The following ATXN1 variants were observed in gnomAD, a reference collection of about 807,000 sequenced individuals.
ATXN1 encodes the protein ataxin-1.
A neutral mutation model predicts 56.4 loss-of-function variants in ATXN1; 8 were observed. That is an observed-to-expected ratio of 0.14 (90% CI 0.08 to 0.26). The LOEUF (loss-of-function observed/expected upper bound fraction) is 0.26. Among genes scored for constraint, ATXN1 ranks in the 10% least tolerant of loss-of-function variants. The pLI, the probability that ATXN1 is intolerant of heterozygous loss-of-function variation, is 1.00. For synonymous variants in ATXN1, 514 were observed against 494.6 expected (o/e 1.04, Z -0.52); for missense variants, 987 against 1,106.5 (o/e 0.89, Z 1.53).
intron 2 of ATXN1, among the ~76,000 whole-genome samples, chr6:16,673,020 C>CAAAAAAAAAAAAA (rs559212594): frequency 1.0e-4 from 11 of 105,458 alleles, no homozygotes; most frequent in Non-Finnish European, 1.5e-4. Flanking sequence ...TCCCCCCCGC[C>CAAAAAAAAAAAAA]AAAAAAAAAA....
chr6:16,589,954 T>A (rs1374814843), intron 3 of ATXN1, among the ~76,000 whole-genome samples: 1 of 152,188 alleles, frequency 6.6e-6, no homozygotes, highest in African/African-American at 2.4e-5. Context: ...AAGCAAAGCA[T>A]CAACAACAAA....
chr6:16,558,514 G>A (rs528443794), intron 4 of ATXN1, among the ~76,000 whole-genome samples: 13 of 151,892 alleles, frequency 8.6e-5, no homozygotes, highest in African/African-American at 2.7e-4. Context: ...ACAAACAGGC[G>A]TGCGCCACCA....
chr6:16,319,407 G>A (rs949223855), intron 7 of ATXN1, among the ~76,000 whole-genome samples: 3 of 152,190 alleles, frequency 2.0e-5, no homozygotes, highest in Non-Finnish European at 2.9e-5. Flanking sequence ...ACTATGGAGA[G>A]AGTAAAATGA....
At chr6:16,583,372 C>T (rs776998399) in intron 4 of ATXN1, among the ~76,000 whole-genome samples, 2 of 152,160 alleles carry the variant, frequency 1.3e-5, no homozygotes, top group Admixed American at 6.5e-5. Flanking sequence ...CACTTTTCAA[C>T]GTTACGATGG....
intron 2 of ATXN1, among the ~76,000 whole-genome samples, chr6:16,659,406 A>T (rs1410939744): frequency 1.3e-5 from 2 of 152,208 alleles, no homozygotes; most frequent in East Asian, 3.8e-4. Context: ...GAGGAGGAGG[A>T]TTTAAACAAG....
intron 2 of ATXN1, among the ~76,000 whole-genome samples, chr6:16,709,611 T>C (rs1291620471): frequency 1.3e-5 from 2 of 152,164 alleles, no homozygotes; most frequent in Non-Finnish European, 2.9e-5. Context: ...AGCCCAAAGA[T>C]TTCACTGTGG....
intron 6 of ATXN1, among the ~76,000 whole-genome samples, chr6:16,372,184 C>A (rs1050842275): frequency 1.3e-5 from 2 of 152,128 alleles, no homozygotes; most frequent in Non-Finnish European, 2.9e-5. Flanking sequence ...TCAGTAAATG[C>A]CAAGAAGGAG....
At chr6:16,396,612 C>T (rs148551668) in intron 6 of ATXN1, among the ~76,000 whole-genome samples, 1 of 152,242 alleles carries the variant, frequency 6.6e-6, no homozygotes, top group East Asian at 1.9e-4. Flanking sequence ...AAAAAACAAA[C>T]TTAGTGTAGC....
chr6:16,759,528 C>CCGT (rs1561842989), intron 1 of ATXN1, among the ~76,000 whole-genome samples: 22 of 64,510 alleles, frequency 3.4e-4, no homozygotes, highest in East Asian at 2.2e-3. Context: ...CTTCTTCCGA[C>CCGT]TGTTTTTTTT....
chr6:16,529,799 A>G (rs577246708), intron 4 of ATXN1, among the ~76,000 whole-genome samples: 1 of 152,312 alleles, frequency 6.6e-6, no homozygotes, highest in South Asian at 2.1e-4. Flanking sequence ...TGTCTCTATG[A>G]GGAGCACTTT....
chr6:16,489,003 A>G (rs571107281), intron 5 of ATXN1, among the ~76,000 whole-genome samples: 2 of 152,254 alleles, frequency 1.3e-5, no homozygotes, highest in East Asian at 1.9e-4. Flanking sequence ...GGAGAAAATG[A>G]CACAATGCCA....
chr6:16,676,182 T>C (rs1758657480), intron 2 of ATXN1, among the ~76,000 whole-genome samples: 1 of 152,138 alleles, frequency 6.6e-6, no homozygotes, highest in Admixed American at 6.5e-5. Flanking sequence ...AAAATATATA[T>C]ACAACTGAAG....
chr6:16,623,650 G>C (rs1008409447), intron 3 of ATXN1, among the ~76,000 whole-genome samples: 3 of 152,168 alleles, frequency 2.0e-5, no homozygotes, highest in Non-Finnish European at 2.9e-5. Context: ...CAATTAATCT[G>C]AACCAAACTA....
rs1760811425 is a variant in ATXN1 at position 16,326,612 on chromosome 6, G to A, written c.1699C>T (p.Pro567Ser). Residue 567 changes from proline (P) to serine (S), a missense_variant, in exon 7 of 8, where the codon CCC (proline) becomes TCC (serine). Physicochemically the swap from Pro to Ser is moderately conservative, Grantham distance 74. Around this residue, in one of 3 missense-constraint regions of ATXN1, gnomAD observed 723 missense variants for 791.7 expected, o/e 0.91. Transcript: ENST00000436367. The surrounding 1 kb of genome is among the most constrained non-coding windows in gnomAD (Gnocchi z 6.6). ...ATGAAGTAGGGAGGCAGCGTAGGGG[G>A]AGCCGCCGCCGGGGAGGCCACGGAC... ...VQSVASPAAA[P>S]PTLPPYFMKG... 3 of 1,614,098 alleles carry A rather than the reference G, an allele frequency of 1.9e-6. No homozygotes were observed. Among genetic ancestry groups the A allele is most frequent in the Non-Finnish European group, 2.5e-6 (3 of 1,180,038 alleles).
chr6:16,421,722 A>G (rs1419003689), intron 6 of ATXN1, among the ~76,000 whole-genome samples: 1 of 150,936 alleles, frequency 6.6e-6, no homozygotes, highest in East Asian at 2.0e-4. Context: ...ATAGGTGTGC[A>G]GAAGTGAGTG....
chr6:16,728,799 T>C (rs1759905792), intron 2 of ATXN1, among the ~76,000 whole-genome samples: 1 of 152,222 alleles, frequency 6.6e-6, no homozygotes, highest in Non-Finnish European at 1.5e-5. Flanking sequence ...AATTCTGGTA[T>C]ACCCAACCAC....
intron 6 of ATXN1, among the ~76,000 whole-genome samples, chr6:16,481,061 G>T (rs1289426907): frequency 1.3e-5 from 2 of 152,222 alleles, no homozygotes; most frequent in Non-Finnish European, 2.9e-5. Context: ...GAGGAAGAGA[G>T]AGAAATGGGT....
chr6:16,682,203 C>CTTTTTTTTTTTTTTTTTTTT (rs10528588), intron 2 of ATXN1, among the ~76,000 whole-genome samples: 2 of 116,960 alleles, frequency 1.7e-5, no homozygotes, highest in Admixed American at 9.7e-5. Context: ...CTGGGGAGAA[C>CTTTTTTTTTTTTTTTTTTTT]TTTTTTTTTT....
intron 6 of ATXN1, among the ~76,000 whole-genome samples, chr6:16,350,902 G>C (rs781694497): frequency 3.3e-5 from 5 of 152,168 alleles, no homozygotes; most frequent in African/African-American, 4.8e-5. Flanking sequence ...GGGTAACAAA[G>C]TGAGGCCTGT....
Sources: gnomAD v4.1 joint callset for allele counts (sites outside exome capture counted in the v4.1 genomes callset) on GRCh38, gnomAD v4.1.1 for gene constraint, gnomAD v4.1.1 regional missense constraint, Gnocchi (gnomAD v3.1) non-coding constraint, MANE v1.5 for transcripts, NCBI Gene and HGNC (gene_info 2026-07-23, HGNC 2026-07-21) for gene names.